Variants in FILIP1 observed in about 807,000 individuals in gnomAD.
FILIP1 encodes filamin A interacting protein 1.
A neutral mutation model predicts 102.1 loss-of-function variants in FILIP1; 61 were observed. That is an observed-to-expected ratio of 0.60 (90% CI 0.49 to 0.74). The LOEUF (loss-of-function observed/expected upper bound fraction) is 0.74. Ranked by LOEUF, FILIP1 falls within the 30% of genes least tolerant of loss-of-function variation. FILIP1 has a pLI of 0.00. For synonymous variants in FILIP1, 491 were observed against 526.9 expected (o/e 0.93, Z 0.93); for missense variants, 1,314 against 1,441.2 (o/e 0.91, Z 1.43).
chr6:75,318,576 C>G (rs1773526526), intron 4 of FILIP1, among the ~76,000 whole-genome samples: 1 of 151,860 alleles, frequency 6.6e-6, no homozygotes, highest in South Asian at 2.1e-4. Context: ...ATATTTTTTT[C>G]TAATAAAAAA....
chr6:75,397,166 A>T (rs953232778), intron 2 of FILIP1, among the ~76,000 whole-genome samples: 2 of 151,936 alleles, frequency 1.3e-5, no homozygotes, highest in Non-Finnish European at 2.9e-5. Context: ...AAAGTATAAT[A>T]AAAAAAAGTA....
intron 1 of FILIP1, among the ~76,000 whole-genome samples, chr6:75,443,039 T>C (rs1778326275): frequency 1.3e-5 from 2 of 152,226 alleles, no homozygotes; most frequent in South Asian, 4.1e-4. Context: ...GTGTAAAGTT[T>C]CTTAATTGTT....
intron 1 of FILIP1, among the ~76,000 whole-genome samples, chr6:75,430,145 A>AG (rs901408656): frequency 2.6e-5 from 4 of 152,134 alleles, no homozygotes; most frequent in African/African-American, 4.8e-5. Flanking sequence ...TGGTTTTATA[A>AG]GGGGCTCTTC....
chr6:75,346,634 C>T (rs918336573), intron 4 of FILIP1, among the ~76,000 whole-genome samples: 1 of 152,150 alleles, frequency 6.6e-6, no homozygotes, highest in African/African-American at 2.4e-5. Context: ...AACTTCCCAA[C>T]CCCGGGAAGC....
intron 1 of FILIP1, among the ~76,000 whole-genome samples, chr6:75,487,087 G>A (rs1474608278): frequency 1.7e-4 from 26 of 152,048 alleles, no homozygotes; most frequent in East Asian, 1.9e-4. Flanking sequence ...TCAACACAGC[G>A]AGTGAAAGTT....
intron 4 of FILIP1, among the ~76,000 whole-genome samples, chr6:75,353,103 G>A (rs1232635342): frequency 6.6e-6 from 1 of 151,712 alleles, no homozygotes; most frequent in Non-Finnish European, 1.5e-5. Context: ...TATACCTAAT[G>A]TAAATGACGA....
chr6:75,348,305 A>G (rs1009624685), intron 4 of FILIP1, among the ~76,000 whole-genome samples: 3 of 152,224 alleles, frequency 2.0e-5, no homozygotes, highest in Non-Finnish European at 4.4e-5. Flanking sequence ...TGAAATATGG[A>G]CGAAACCAAA....
At chr6:75,427,219 T>C (rs1777656857) in intron 1 of FILIP1, among the ~76,000 whole-genome samples, 1 of 152,186 alleles carries the variant, frequency 6.6e-6, no homozygotes, top group Non-Finnish European at 1.5e-5. Context: ...TTAAGTTCTC[T>C]ACCTCTGGCA....
intron 1 of FILIP1, among the ~76,000 whole-genome samples, chr6:75,445,144 C>T (rs770249228): frequency 1.8e-4 from 28 of 152,100 alleles, no homozygotes; most frequent in Admixed American, 2.6e-4. Flanking sequence ...CTAAGTGCAG[C>T]CCCTCCAACT....
At chr6:75,379,145 T>C (rs978321429) in intron 2 of FILIP1, among the ~76,000 whole-genome samples, 1 of 152,320 alleles carries the variant, frequency 6.6e-6, no homozygotes, top group South Asian at 2.1e-4. Context: ...ATGTTATGCA[T>C]TTCATAAAAG....
At chr6:75,426,101 G>C (rs1482874974) in intron 1 of FILIP1, among the ~76,000 whole-genome samples, 1 of 151,896 alleles carries the variant, frequency 6.6e-6, no homozygotes, top group Non-Finnish European at 1.5e-5. Flanking sequence ...GGCTGGAGTT[G>C]ACTCTTAGTT....
At chr6:75,490,528 A>AT (rs1779923867) in intron 1 of FILIP1, among the ~76,000 whole-genome samples, 1 of 152,172 alleles carries the variant, frequency 6.6e-6, no homozygotes, top group South Asian at 2.1e-4. Context: ...AATAAGAGCC[A>AT]TGATTTAAAT....
At chr6:75,322,308 T>G (rs1429650379) in intron 4 of FILIP1, among the ~76,000 whole-genome samples, 1 of 152,218 alleles carries the variant, frequency 6.6e-6, no homozygotes, top group Non-Finnish European at 1.5e-5. Flanking sequence ...TCCGTGTAAT[T>G]ATGCTATTTA....
chr6:75,397,205 A>G (rs1776491257), intron 2 of FILIP1, among the ~76,000 whole-genome samples: 1 of 152,010 alleles, frequency 6.6e-6, no homozygotes, highest in Non-Finnish European at 1.5e-5. Context: ...AAATAAATAA[A>G]AGACTTATTC....
At chr6:75,359,708 T>A (rs904721139) in intron 3 of FILIP1, among the ~76,000 whole-genome samples, 2 of 152,108 alleles carry the variant, frequency 1.3e-5, no homozygotes, top group African/African-American at 4.8e-5. Context: ...GAAGAAAATA[T>A]TTTTGTTGCC....
intron 2 of FILIP1, chr6:75,399,188 T>C (rs535268862): frequency 1.0e-3 from 159 of 152,302 alleles, no homozygotes; most frequent in African/African-American, 3.6e-3. Context: ...CTAAGAAGCA[T>C]GAAAAAGAGC....
chr6:75,384,972 T>G (rs1776037997), intron 2 of FILIP1: 1 of 150,126 alleles, frequency 6.7e-6, no homozygotes, highest in Non-Finnish European at 1.5e-5. Flanking sequence ...TTTTTTTTTT[T>G]TTTTTTTTGG....
chr6:75,377,288 CT>C (rs1775778987), intron 2 of FILIP1, among the ~76,000 whole-genome samples: 1 of 152,152 alleles, frequency 6.6e-6, no homozygotes, highest in African/African-American at 2.4e-5. Context: ...GATTTGTTAA[CT>C]GCTTTTCATG....
intron 4 of FILIP1, among the ~76,000 whole-genome samples, chr6:75,332,175 A>T (rs1257856687): frequency 6.6e-6 from 1 of 152,186 alleles, no homozygotes; most frequent in Non-Finnish European, 1.5e-5. Flanking sequence ...CAGTAGTCTC[A>T]TGGGCTCTTC....
Sources: gnomAD v4.1 joint callset for allele counts (sites outside exome capture counted in the v4.1 genomes callset) on GRCh38, gnomAD v4.1.1 for gene constraint, MANE v1.5 for transcripts, NCBI Gene and HGNC (gene_info 2026-07-23, HGNC 2026-07-21) for gene names.